TRPM3: variants seen among roughly 807,000 people sequenced by gnomAD.
TRPM3 encodes transient receptor potential cation channel subfamily M member 3.
In TRPM3, 77 loss-of-function variants were observed where a neutral mutation model predicts 181.2. The observed-to-expected ratio is 0.42, with a 90% CI of 0.35 to 0.51. The LOEUF (loss-of-function observed/expected upper bound fraction) is 0.51, where lower values mean the gene tolerates loss of function less well. Ranked by LOEUF, TRPM3 falls within the 20% of genes least tolerant of loss-of-function variation. The probability of loss-of-function intolerance (pLI) is 0.01; values close to 1 mark genes in which losing one functional copy is unlikely to be tolerated. For missense variants in TRPM3, 1,759 were observed against 2,196.7 expected (o/e 0.80, Z 3.98); for synonymous variants, 745 against 796.4 (o/e 0.94, Z 1.09).
At chr9:71,024,084 G>GT (rs1435995638) in intron 1 of TRPM3, among the ~76,000 whole-genome samples, 3 of 152,128 alleles carry the variant, frequency 2.0e-5, no homozygotes, top group Admixed American at 2.0e-4. Context: ...GATGCAAAAT[G>GT]TATCATTGGG....
chr9:70,668,541 C>G (rs565407560), intron 9 of TRPM3, among the ~76,000 whole-genome samples: 1 of 151,300 alleles, frequency 6.6e-6, no homozygotes, highest in East Asian at 1.9e-4. Flanking sequence ...GGCGGGCGCC[C>G]GTAGTCCCAG....
chr9:71,357,835 T>C lies in TRPM3; in HGVS notation c.183+88818A>G, dbSNP rs185314585. Among the ~76,000 whole-genome samples, 756 of 152,244 alleles carry C rather than the reference T, an allele frequency of 5.0e-3. 5 individuals carry two copies. The highest frequency in any genetic ancestry group is 0.012 in the Admixed American group (188 of 15,272). ...CAAATAACTATTCAGTTCCAAAGCT[T>C]TTCCTATGAATCTGTTATGAAGGAA... On this transcript the variant is annotated intron_variant, in intron 1 of 24. Coordinates refer to the TRPM3 transcript ENST00000357533.
intron 1 of TRPM3, among the ~76,000 whole-genome samples, chr9:71,117,271 G>A (rs79241449): frequency 0.015 from 2,216 of 152,084 alleles, 43 homozygotes; most frequent in East Asian, 0.077. Context: ...TGATCACCTC[G>A]CTGCAAAAAT....
chr9:71,371,642 C>T (rs78200967), intron 1 of TRPM3, among the ~76,000 whole-genome samples: 1,846 of 152,220 alleles, frequency 0.012, 32 homozygotes, highest in African/African-American at 0.04. Flanking sequence ...AGATGCTTCA[C>T]CAGGTGAACA....
At chr9:71,393,696 T>G (rs2132966543) in intron 1 of TRPM3, among the ~76,000 whole-genome samples, 1 of 152,246 alleles carries the variant, frequency 6.6e-6, no homozygotes, top group Non-Finnish European at 1.5e-5. Flanking sequence ...CACAGCCAAT[T>G]TCATCAATAA....
chr9:71,282,906 G>C (rs184026017), intron 1 of TRPM3, among the ~76,000 whole-genome samples: 28 of 152,112 alleles, frequency 1.8e-4, no homozygotes, highest in Non-Finnish European at 1.5e-5. Flanking sequence ...CCTACCCCTC[G>C]GGGCACCGCT....
chr9:70,814,079 G>T (rs986437402), intron 6 of TRPM3, among the ~76,000 whole-genome samples: 3 of 152,174 alleles, frequency 2.0e-5, no homozygotes, highest in Admixed American at 1.3e-4. Flanking sequence ...ATATAACAGA[G>T]AGCAGTCACA....
At chr9:71,119,856 G>A (rs1465142142) in intron 1 of TRPM3, among the ~76,000 whole-genome samples, 1 of 152,104 alleles carries the variant, frequency 6.6e-6, no homozygotes, top group Non-Finnish European at 1.5e-5. Flanking sequence ...ACATATCCAA[G>A]GAAAAGTCTC....
At chr9:70,601,609 C>T (rs1039477631) in intron 20 of TRPM3, among the ~76,000 whole-genome samples, 13 of 152,260 alleles carry the variant, frequency 8.5e-5, no homozygotes, top group African/African-American at 2.9e-4. Context: ...AGGTGGTCAC[C>T]GCCTCACTCC....
chr9:71,252,853 T>C (rs1023564049), intron 1 of TRPM3, among the ~76,000 whole-genome samples: 29 of 145,428 alleles, frequency 2.0e-4, no homozygotes, highest in Admixed American at 8.9e-4. Flanking sequence ...GTCTCTTTTT[T>C]TTTTTTTTTT....
At chr9:70,548,756 A>G (rs2045712688) in intron 25 of TRPM3, among the ~76,000 whole-genome samples, 1 of 152,240 alleles carries the variant, frequency 6.6e-6, no homozygotes, top group African/African-American at 2.4e-5. Context: ...ATTAGTCTAC[A>G]GCAAAATAAG....
At chr9:71,120,182 G>T (rs1446454066) in intron 1 of TRPM3, among the ~76,000 whole-genome samples, 1 of 152,178 alleles carries the variant, frequency 6.6e-6, no homozygotes, top group African/African-American at 2.4e-5. Flanking sequence ...TAGCCCACTG[G>T]ACTCAATGCT....
At chr9:70,616,192 G>T in intron 17 of TRPM3, 117 bp from the exon 18 acceptor site, 1 of 641,936 alleles carries the variant, frequency 1.6e-6, no homozygotes, top group Non-Finnish European at 2.5e-6. Context: ...GTGTGTGTGT[G>T]TACACATGCA....
chr9:71,119,601 G>T (rs1200853084), intron 1 of TRPM3, among the ~76,000 whole-genome samples: 2 of 152,066 alleles, frequency 1.3e-5, no homozygotes, highest in African/African-American at 4.8e-5. Context: ...TATCTGTCAA[G>T]AAGAGTTAAA....
intron 1 of TRPM3, among the ~76,000 whole-genome samples, chr9:71,006,817 G>T (rs1407774142): frequency 6.1e-5 from 9 of 148,246 alleles, no homozygotes; most frequent in East Asian, 2.0e-4. Context: ...CTTGCAGTGA[G>T]CCGAGATCGC....
At chr9:70,944,750 T>C (rs982567463) in intron 1 of TRPM3, among the ~76,000 whole-genome samples, 1 of 151,996 alleles carries the variant, frequency 6.6e-6, no homozygotes, top group African/African-American at 2.4e-5. Flanking sequence ...TTTATTAAAA[T>C]GGCCAGAAGG....
At chr9:70,836,143 A>C (rs2094305016) in intron 5 of TRPM3, among the ~76,000 whole-genome samples, 1 of 152,174 alleles carries the variant, frequency 6.6e-6, no homozygotes, top group Non-Finnish European at 1.5e-5. Context: ...AATCTTCCAC[A>C]TGTGTACTCT....
At chr9:71,366,334 G>C (rs958756473) in intron 1 of TRPM3, among the ~76,000 whole-genome samples, 4 of 152,130 alleles carry the variant, frequency 2.6e-5, no homozygotes, top group African/African-American at 9.7e-5. Flanking sequence ...CACTTGGTGG[G>C]GGTACCTGGG....
intron 1 of TRPM3, among the ~76,000 whole-genome samples, chr9:71,193,474 C>T (rs2078153618): frequency 6.6e-6 from 1 of 151,852 alleles, no homozygotes; most frequent in Admixed American, 6.6e-5. Flanking sequence ...TTCTCATCCT[C>T]CTCTTTCTCT....
Sources: gnomAD v4.1 joint callset for allele counts (sites outside exome capture counted in the v4.1 genomes callset) on GRCh38, gnomAD v4.1.1 for gene constraint, MANE v1.5 for transcripts, NCBI Gene and HGNC (gene_info 2026-07-23, HGNC 2026-07-21) for gene names.